HTR1F: variants seen among roughly 807,000 people sequenced by gnomAD.
HTR1F encodes the protein 5-hydroxytryptamine receptor 1F.
In HTR1F, 17 loss-of-function variants were observed where a neutral mutation model predicts 24.0. The observed-to-expected ratio is 0.71, with a 90% CI of 0.48 to 1.06. HTR1F has a LOEUF of 1.06. Ranked by LOEUF, HTR1F falls within the 50% of genes least tolerant of loss-of-function variation. HTR1F has a pLI of 0.00. For synonymous variants in HTR1F, 186 were observed against 156.8 expected (o/e 1.19, Z -1.39); for missense variants, 391 against 427.8 (o/e 0.91, Z 0.76).
At chr3:87,909,133 G>C (rs994882438) in intron 2 of HTR1F, among the ~76,000 whole-genome samples, 1 of 151,916 alleles carries the variant, frequency 6.6e-6, no homozygotes, top group Non-Finnish European at 1.5e-5. Context: ...AGTCACCAGT[G>C]GTAAATACTA....
intron 2 of HTR1F, among the ~76,000 whole-genome samples, chr3:87,841,123 C>A (rs1237875019): frequency 4.6e-5 from 7 of 151,034 alleles, no homozygotes; most frequent in Non-Finnish European, 8.9e-5. Flanking sequence ...CATACATATG[C>A]TTATTAGCCG....
intron 2 of HTR1F, among the ~76,000 whole-genome samples, chr3:87,948,539 T>A (rs1168514223): frequency 6.6e-6 from 1 of 151,870 alleles, no homozygotes; most frequent in Non-Finnish European, 1.5e-5. Flanking sequence ...TGGAGTGCAG[T>A]CGCATAGTCA....
chr3:87,798,463 G>A (rs1181450615), intron 1 of HTR1F, among the ~76,000 whole-genome samples: 1 of 151,628 alleles, frequency 6.6e-6, no homozygotes, highest in African/African-American at 2.4e-5. Flanking sequence ...TTATTTAAAG[G>A]TATTAAGATT....
intron 2 of HTR1F, among the ~76,000 whole-genome samples, chr3:87,970,912 T>A (rs553362984): frequency 2.6e-5 from 4 of 152,312 alleles, no homozygotes; most frequent in African/African-American, 9.6e-5. Flanking sequence ...GATTGATGCC[T>A]ATTCAACTTT....
intron 2 of HTR1F, among the ~76,000 whole-genome samples, chr3:87,947,097 T>G (rs1251454390): frequency 1.3e-5 from 2 of 152,228 alleles, no homozygotes; most frequent in African/African-American, 2.4e-5. Flanking sequence ...AATGAGTATC[T>G]TTGAATTCTT....
intron 2 of HTR1F, among the ~76,000 whole-genome samples, chr3:87,938,070 G>A (rs1366166826): frequency 6.6e-6 from 1 of 152,108 alleles, no homozygotes; most frequent in African/African-American, 2.4e-5. Flanking sequence ...TTCTTAAGCT[G>A]ATAAACAACT....
chr3:87,880,890 G>C (rs1705779061), intron 2 of HTR1F, among the ~76,000 whole-genome samples: 1 of 152,284 alleles, frequency 6.6e-6, no homozygotes, highest in South Asian at 2.1e-4. Flanking sequence ...TAATGAGCCT[G>C]CTCAGGAAAA....
At chr3:87,862,423 C>T (rs1705337258) in intron 2 of HTR1F, among the ~76,000 whole-genome samples, 1 of 152,190 alleles carries the variant, frequency 6.6e-6, no homozygotes, top group Admixed American at 6.5e-5. Flanking sequence ...AAAGATAATA[C>T]AGTGTTTGAA....
chr3:87,937,866 G>C (rs1704463662), intron 2 of HTR1F, among the ~76,000 whole-genome samples: 1 of 151,440 alleles, frequency 6.6e-6, no homozygotes, highest in East Asian at 1.9e-4. Context: ...AGAGGTTGCA[G>C]TGAGCCGAGA....
chr3:87,797,223 G>A (rs1703919534), intron 1 of HTR1F, among the ~76,000 whole-genome samples: 1 of 152,180 alleles, frequency 6.6e-6, no homozygotes, highest in Non-Finnish European at 1.5e-5. Flanking sequence ...AAAACATAGT[G>A]TGTATACAGA....
In HTR1F at chr3:87,981,361, A is replaced by AT. The variant is rs755538329; in HGVS notation, c.-42-9341dup. ...AGCCACACACTGCCATACCCGGCTA[A>AT]TTTTTTGTATTTTAGTAAAGACAGG... is the stretch of plus-strand genomic sequence containing the variant. On this transcript the variant is annotated intron_variant, in intron 2 of 2. Coordinates refer to ENST00000319595, the MANE Select transcript of HTR1F (RefSeq NM_001322209.2). Among the ~76,000 whole-genome samples, 13 of 152,116 alleles carry AT rather than the reference A, an allele frequency of 8.5e-5. No homozygotes were observed. The South Asian group carries it at 1.2e-3, about 15-fold the overall frequency.
intron 2 of HTR1F, among the ~76,000 whole-genome samples, chr3:87,955,969 T>G (rs1166675665): frequency 6.6e-6 from 1 of 151,512 alleles, no homozygotes; most frequent in Non-Finnish European, 1.5e-5. Context: ...CAATTAATTC[T>G]CAAGTCTTAT....
rs1187385583 is a variant in HTR1F at position 87,811,439 on chromosome 3, G to C, written c.-159-10569G>C. Reference sequence around the variant, plus strand: ...ATTAATGGGCTTTATTTTTAATAGTGGGAAGTCTTTGAAACATAAAGGATA... The same window carrying C: ...ATTAATGGGCTTTATTTTTAATAGTCGGAAGTCTTTGAAACATAAAGGATA... On this transcript the variant is annotated intron_variant, in intron 1 of 2. Transcript: ENST00000319595. Among the ~76,000 whole-genome samples the C allele has an allele frequency of 5.9e-5, 9 of 152,158 alleles. No homozygotes were observed. In the East Asian group the frequency reaches 1.5e-3, roughly 26 times the overall value.
At chr3:87,877,236 T>G (rs1705690872) in intron 2 of HTR1F, among the ~76,000 whole-genome samples, 1 of 152,136 alleles carries the variant, frequency 6.6e-6, no homozygotes, top group Non-Finnish European at 1.5e-5. Flanking sequence ...TTTTTTTGTT[T>G]GTAATAAAAG....
At chr3:87,912,524 C>T (rs1461392079) in intron 2 of HTR1F, among the ~76,000 whole-genome samples, 3 of 150,884 alleles carry the variant, frequency 2.0e-5, no homozygotes, top group Non-Finnish European at 4.4e-5. Context: ...CAATGCTATT[C>T]CTGTCAAACC....
At chr3:87,845,609 C>G (rs939552752) in intron 2 of HTR1F, among the ~76,000 whole-genome samples, 4 of 151,172 alleles carry the variant, frequency 2.6e-5, no homozygotes, top group Non-Finnish European at 5.9e-5. Flanking sequence ...GAAGAACATT[C>G]CATGCTCATG....
At chr3:87,894,630 A>G (rs1028988403) in intron 2 of HTR1F, among the ~76,000 whole-genome samples, 3 of 133,690 alleles carry the variant, frequency 2.2e-5, no homozygotes, top group African/African-American at 8.7e-5. Flanking sequence ...GCCCAGCCTC[A>G]TTTTCAAAAT....
At chr3:87,936,541 A>G (rs1426342681) in intron 2 of HTR1F, among the ~76,000 whole-genome samples, 10 of 152,200 alleles carry the variant, frequency 6.6e-5, no homozygotes, top group Non-Finnish European at 1.5e-4. Context: ...GATAATTTTT[A>G]TAACACTCCA....
intron 2 of HTR1F, among the ~76,000 whole-genome samples, chr3:87,959,420 T>C (rs1705013821): frequency 6.6e-6 from 1 of 151,922 alleles, no homozygotes; most frequent in African/African-American, 2.4e-5. Flanking sequence ...TTTCAACCCA[T>C]TGTATGGTCA....
Sources: allele counts gnomAD v4.1 joint callset (sites outside exome capture counted in the v4.1 genomes callset), GRCh38; gene constraint gnomAD v4.1.1; transcripts MANE v1.5; gene names NCBI Gene and HGNC (gene_info 2026-07-23, HGNC 2026-07-21).